The following CNTNAP2 variants were observed in gnomAD, a reference collection of about 807,000 sequenced individuals.
CNTNAP2 encodes contactin associated protein 2.
In CNTNAP2, 98 loss-of-function variants were observed where a neutral mutation model predicts 155.2. The ratio of observed to expected loss-of-function variants is 0.63; its 90% CI spans 0.54 to 0.75. CNTNAP2 has a LOEUF of 0.75. Among genes scored for constraint, CNTNAP2 ranks in the 30% least tolerant of loss-of-function variants. The pLI, the probability that CNTNAP2 is intolerant of heterozygous loss-of-function variation, is 0.00. For missense variants in CNTNAP2, 1,727 were observed against 1,688.1 expected (o/e 1.02, Z -0.40); for synonymous variants, 651 against 631.2 (o/e 1.03, Z -0.47).
At chr7:146,159,297 T>TAA (rs2116794320) in intron 1 of CNTNAP2, among the ~76,000 whole-genome samples, 1 of 152,280 alleles carries the variant, frequency 6.6e-6, no homozygotes, top group African/African-American at 2.4e-5. Context: ...TGCCAAATTG[T>TAA]AAAGACCATC....
intron 1 of CNTNAP2, among the ~76,000 whole-genome samples, chr7:146,280,193 C>A (rs1800228443): frequency 6.6e-6 from 1 of 151,930 alleles, no homozygotes; most frequent in Non-Finnish European, 1.5e-5. Context: ...TCAGGAAACT[C>A]CAAAATTCAG....
chr7:147,964,559 T>C lies in CNTNAP2; in HGVS notation c.2256-13303T>C, dbSNP rs145777719. Among the ~76,000 whole-genome samples the C allele has an allele frequency of 2.4e-3, 369 of 152,324 alleles. 1 individual carries two copies. The highest frequency in any genetic ancestry group is 8.5e-3 in the African/African-American group (355 of 41,588). ...AAATTCACATTAACAAATATTCAGA[T>C]GCTTTATTTATTCTGAAAAAAATAA... On this transcript the variant is annotated intron_variant, in intron 14 of 23. Transcript: ENST00000361727.
At chr7:148,147,052 TC>T (rs966844607) in intron 16 of CNTNAP2, among the ~76,000 whole-genome samples, 1 of 152,098 alleles carries the variant, frequency 6.6e-6, no homozygotes, top group Admixed American at 6.5e-5. Context: ...ATGAATCACT[TC>T]CCAAGGAGCT....
At chr7:146,648,745 A>G (rs1026759952) in intron 1 of CNTNAP2, among the ~76,000 whole-genome samples, 4 of 152,126 alleles carry the variant, frequency 2.6e-5, no homozygotes, top group Non-Finnish European at 5.9e-5. Context: ...ACATAGCAAA[A>G]AGATAATTTG....
chr7:147,144,187 T>G (rs1462781147), intron 8 of CNTNAP2, among the ~76,000 whole-genome samples: 1 of 152,232 alleles, frequency 6.6e-6, no homozygotes, highest in Non-Finnish European at 1.5e-5. Flanking sequence ...CAAATCATGT[T>G]GTCTCTGAAG....
At chr7:147,869,747 C>T (rs1395207949) in intron 13 of CNTNAP2, among the ~76,000 whole-genome samples, 1 of 152,038 alleles carries the variant, frequency 6.6e-6, no homozygotes, top group Non-Finnish European at 1.5e-5. Context: ...GATAAAAAAG[C>T]CTATGGAATG....
intron 21 of CNTNAP2, among the ~76,000 whole-genome samples, chr7:148,360,528 T>C (rs1162483568): frequency 1.3e-5 from 2 of 152,164 alleles, no homozygotes; most frequent in African/African-American, 4.8e-5. Flanking sequence ...TCAACTTCTT[T>C]GTAAGATTTT....
At chr7:146,933,134 A>G (rs1267789060) in intron 3 of CNTNAP2, among the ~76,000 whole-genome samples, 11 of 152,014 alleles carry the variant, frequency 7.2e-5, no homozygotes, top group Non-Finnish European at 2.9e-5. Context: ...CGCCAAGTCA[A>G]TCCTAAGCCA....
chr7:146,497,343 T>C (rs895815054), intron 1 of CNTNAP2, among the ~76,000 whole-genome samples: 1 of 152,216 alleles, frequency 6.6e-6, no homozygotes, highest in East Asian at 1.9e-4. Flanking sequence ...GTGGTTTGTA[T>C]AATCATTTTT....
chr7:147,635,909 T>TA (rs1795172875), intron 12 of CNTNAP2, among the ~76,000 whole-genome samples: 1 of 151,882 alleles, frequency 6.6e-6, no homozygotes, highest in African/African-American at 2.4e-5. Context: ...AGAAAAAAAA[T>TA]AAAAAATGGA....
intron 13 of CNTNAP2, among the ~76,000 whole-genome samples, chr7:147,772,491 C>CAAAA (rs1193910514): frequency 3.1e-4 from 33 of 105,678 alleles, no homozygotes; most frequent in African/African-American, 1.2e-3. Context: ...TATACACACA[C>CAAAA]AAAAAAAAAA....
At chr7:147,284,848 A>G (rs1016802426) in intron 8 of CNTNAP2, among the ~76,000 whole-genome samples, 2 of 151,900 alleles carry the variant, frequency 1.3e-5, no homozygotes, top group Non-Finnish European at 2.9e-5. Context: ...GTACCTTTCA[A>G]GGTTCAGTCC....
At chr7:147,088,338 G>T (rs1034610747) in intron 4 of CNTNAP2, among the ~76,000 whole-genome samples, 1 of 152,140 alleles carries the variant, frequency 6.6e-6, no homozygotes, top group Non-Finnish European at 1.5e-5. Flanking sequence ...TGTGGTAGCT[G>T]TCAAATCCAG....
intron 10 of CNTNAP2, among the ~76,000 whole-genome samples, chr7:147,398,335 C>G (rs1796854748): frequency 6.6e-6 from 1 of 151,804 alleles, no homozygotes; most frequent in East Asian, 1.9e-4. Context: ...CCAAAGGAAG[C>G]CTACAGTGGC....
chr7:146,613,728 C>G (rs1277586450), intron 1 of CNTNAP2, among the ~76,000 whole-genome samples: 1 of 152,114 alleles, frequency 6.6e-6, no homozygotes, highest in Non-Finnish European at 1.5e-5. Flanking sequence ...AGCTACATTT[C>G]AAATGCTTGA....
At chr7:146,626,663 G>A (rs904370338) in intron 1 of CNTNAP2, among the ~76,000 whole-genome samples, 10 of 152,044 alleles carry the variant, frequency 6.6e-5, no homozygotes, top group African/African-American at 2.2e-4. Flanking sequence ...AACTCATCAT[G>A]AATTAAAGAC....
intron 1 of CNTNAP2, among the ~76,000 whole-genome samples, chr7:146,182,197 T>G (rs1001167180): frequency 3.9e-5 from 6 of 152,166 alleles, no homozygotes; most frequent in Non-Finnish European, 8.8e-5. Flanking sequence ...TGAGAATAAC[T>G]GTGTACTTGT....
At chr7:147,006,704 AT>A (rs1277142485) in intron 3 of CNTNAP2, among the ~76,000 whole-genome samples, 17 of 152,230 alleles carry the variant, frequency 1.1e-4, no homozygotes, top group African/African-American at 3.9e-4. Context: ...TGAGTATAAA[AT>A]ATCTTCATAT....
chr7:146,853,217 C>T (rs1050912355), intron 3 of CNTNAP2, among the ~76,000 whole-genome samples: 24 of 152,242 alleles, frequency 1.6e-4, no homozygotes, highest in Middle Eastern at 3.4e-3. Flanking sequence ...TTTAATATGA[C>T]AGCATTTTCT....
Sources: allele counts gnomAD v4.1 joint callset (sites outside exome capture counted in the v4.1 genomes callset), GRCh38; gene constraint gnomAD v4.1.1; transcripts MANE v1.5; gene names NCBI Gene and HGNC (gene_info 2026-07-23, HGNC 2026-07-21).